Variants in MAP4K4 observed in about 807,000 individuals in gnomAD.
MAP4K4 encodes the protein mitogen-activated protein kinase kinase kinase kinase 4.
A neutral mutation model predicts 189.6 loss-of-function variants in MAP4K4; 38 were observed. That is an observed-to-expected ratio of 0.20 (90% confidence interval 0.15 to 0.26). The LOEUF (loss-of-function observed/expected upper bound fraction) is 0.26, where lower values mean the gene tolerates loss of function less well. Ranked by LOEUF, MAP4K4 falls within the 10% of genes least tolerant of loss-of-function variation. MAP4K4 has a pLI of 1.00. For synonymous variants in MAP4K4, 610 were observed against 624.3 expected, an observed-to-expected ratio of 0.98 and a Z score of 0.34; for missense variants, 1,054 against 1,726.9, an observed-to-expected ratio of 0.61 and a Z score of 6.91.
exon 33 of MAP4K4, chr2:101,893,588 A>G (rs1031732382): frequency 1.1e-5 from 2 of 183,844 alleles, no homozygotes; most frequent in Non-Finnish European, 2.3e-5. Context: ...AAAGGTGGGC[A>G]GATGTCTTTG....
intron 3 of MAP4K4, among the ~76,000 whole-genome samples, chr2:101,820,949 A>G (rs752720948): frequency 2.7e-4 from 41 of 152,206 alleles, no homozygotes; most frequent in Non-Finnish European, 5.1e-4. Flanking sequence ...ATGCTTCCTC[A>G]TGTTTTATGT....
chr2:101,837,237 C>G (rs1368108481), intron 9 of MAP4K4, among the ~76,000 whole-genome samples: 1 of 151,578 alleles, frequency 6.6e-6, no homozygotes, highest in African/African-American at 2.4e-5. Flanking sequence ...TTCAGCTGTT[C>G]CTGTTTATGC....
At chr2:101,794,908 A>C (rs1244923920) in intron 3 of MAP4K4, among the ~76,000 whole-genome samples, 2 of 152,104 alleles carry the variant, frequency 1.3e-5, no homozygotes, top group Non-Finnish European at 2.9e-5. Context: ...TGGTTTCCTC[A>C]TGTTATGCTT....
At chr2:101,782,702 T>A (rs1399396190) in intron 2 of MAP4K4, among the ~76,000 whole-genome samples, 1 of 152,102 alleles carries the variant, frequency 6.6e-6, no homozygotes, top group Non-Finnish European at 1.5e-5. Context: ...GAAGGGATGA[T>A]CTAGTACCAA....
At chr2:101,704,539 G>GTA (rs1559013120) in intron 2 of MAP4K4, among the ~76,000 whole-genome samples, 2 of 72,810 alleles carry the variant, frequency 2.7e-5, no homozygotes, top group African/African-American at 8.4e-5. Context: ...GTGTGTGTGT[G>GTA]TGTATATATA....
At position 101,874,090 on chromosome 2, in the gene MAP4K4, T is replaced by G. The variant is rs370189911; in HGVS notation, c.3079T>G (p.Ser1027Ala). The change falls in exon 26 of 33, where the codon TCC becomes GCC. Residue 1027 changes from serine to alanine, a missense_variant. This residue lies in a region of MAP4K4 where 646 missense variants were observed against 796.2 expected (regional missense o/e 0.81). Transcript: ENST00000324219. ...AATATATTGTGTTTCAGTGGGATTT[T>G]CCTGTGATGGGATGAGACCAGAAGC... The G allele has an allele frequency of 3.0e-5, 48 of 1,612,800 alleles. No homozygotes were observed. In the African/African-American group the frequency reaches 5.9e-4, roughly 20 times the overall value.
At chr2:101,860,474 TGAAATGCATTCCG>T (rs2097611556) in intron 15 of MAP4K4, 1 of 188,742 alleles carries the variant, frequency 5.3e-6, no homozygotes, top group Admixed American at 5.3e-5. Flanking sequence ...TTTGGTGGAG[TGAAATGCATTCCG>T]GATTTCTGAT....
At chr2:101,724,693 C>T (rs2054230056) in intron 2 of MAP4K4, among the ~76,000 whole-genome samples, 1 of 152,180 alleles carries the variant, frequency 6.6e-6, no homozygotes, top group African/African-American at 2.4e-5. Flanking sequence ...TCTCTTCCAC[C>T]TGTGGGTGAT....
intron 2 of MAP4K4, among the ~76,000 whole-genome samples, chr2:101,747,680 T>C (rs1396269007): frequency 1.3e-5 from 2 of 152,052 alleles, no homozygotes; most frequent in African/African-American, 2.4e-5. Flanking sequence ...CCTTCCAAGG[T>C]TTTTTTCCCT....
intron 2 of MAP4K4, among the ~76,000 whole-genome samples, chr2:101,730,805 T>G (rs1026178180): frequency 6.6e-6 from 1 of 152,068 alleles, no homozygotes; most frequent in Admixed American, 6.6e-5. Context: ...CCCAGCACTT[T>G]GGGAGGCCGA....
chr2:101,882,926 C>T (rs1559329877), intron 28 of MAP4K4, among the ~76,000 whole-genome samples: 1 of 152,228 alleles, frequency 6.6e-6, no homozygotes, highest in African/African-American at 2.4e-5. Context: ...CTGCAACTCA[C>T]TCCGCCCTCA....
chr2:101,828,965 A>T (rs1016360316), intron 5 of MAP4K4, among the ~76,000 whole-genome samples: 1 of 152,242 alleles, frequency 6.6e-6, no homozygotes, highest in Admixed American at 6.5e-5. Flanking sequence ...TTATTTGAAC[A>T]CAAGGCTCTT....
intron 2 of MAP4K4, among the ~76,000 whole-genome samples, chr2:101,756,026 C>T (rs987626864): frequency 4.7e-5 from 7 of 149,788 alleles, no homozygotes; most frequent in South Asian, 2.1e-4. Flanking sequence ...CTGCAAGCTC[C>T]GCCTCCCAGG....
intron 2 of MAP4K4, among the ~76,000 whole-genome samples, chr2:101,730,533 G>T (rs183490829): frequency 3.3e-5 from 5 of 152,276 alleles, no homozygotes; most frequent in Admixed American, 1.3e-4. Flanking sequence ...CTATTGTCCC[G>T]TGGGTCTCTA....
rs58201235 is a variant in MAP4K4, at chr2:101,797,889, G to GTTTTTTTTTTTTTTT, written c.180+7120_180+7134dup. Among the ~76,000 whole-genome samples, 153 of 52,318 alleles carry GTTTTTTTTTTTTTTT rather than the reference G, an allele frequency of 2.9e-3. 20 individuals are homozygous for GTTTTTTTTTTTTTTT. The highest frequency in any genetic ancestry group is 6.4e-3 in the South Asian group (8 of 1,248). 34.3% of individuals were successfully genotyped at this position (52,318 alleles called of 152,430 possible). On this transcript the variant is annotated intron_variant, in intron 3 of 32. Coordinates refer to ENST00000324219, the Ensembl canonical transcript of MAP4K4. ...TGAAGCTTTTTAAAACATTCTTTTA[G>GTTTTTTTTTTTTTTT]TTTTTTTTTTTTTTTTTTTTTGGAG...
intron 3 of MAP4K4, among the ~76,000 whole-genome samples, chr2:101,814,533 G>C (rs947927344): frequency 6.6e-6 from 1 of 152,178 alleles, no homozygotes; most frequent in African/African-American, 2.4e-5. Context: ...ATTTGCAAAT[G>C]ATCCACAATG....
In MAP4K4 at chr2:101,825,383, C is replaced by T; in HGVS notation, c.371C>T (p.Thr124Ile). ...CTTGTGAAGAACACCAAAGGGAACACACTCAAAGAAGACTGGATCGCTTAC... is the reference window on the plus strand; with the variant it reads ...CTTGTGAAGAACACCAAAGGGAACATACTCAAAGAAGACTGGATCGCTTAC... The change falls in exon 5 of 33, where the codon ACA becomes ATA. Residue 124 changes from threonine (T) to isoleucine (I), a missense_variant. Physicochemically the swap from Thr to Ile is moderately conservative, Grantham distance 89. Around this residue, in one of 4 missense-constraint regions of MAP4K4, gnomAD observed 200 missense variants for 509.0 expected, o/e 0.39. Coordinates refer to ENST00000324219, the Ensembl canonical transcript of MAP4K4. The T allele has an allele frequency of 6.2e-7, 1 of 1,613,724 alleles. No homozygotes were observed. Among genetic ancestry groups the T allele is most frequent in the Non-Finnish European group, 8.5e-7 (1 of 1,179,728 alleles).
At chr2:101,801,955 G>C (rs2094414936) in intron 3 of MAP4K4, among the ~76,000 whole-genome samples, 1 of 152,162 alleles carries the variant, frequency 6.6e-6, no homozygotes, top group Admixed American at 6.5e-5. Flanking sequence ...CTTGCTTTCT[G>C]TCCTGTACCA....
At chr2:101,886,382 A>AT (rs1204126735) in intron 29 of MAP4K4, among the ~76,000 whole-genome samples, 11 of 60,308 alleles carry the variant, frequency 1.8e-4, no homozygotes, top group Admixed American at 1.2e-3. Context: ...AAAATTAGAG[A>AT]CCTTATGCTA....
Sources: allele counts gnomAD v4.1 joint callset (sites outside exome capture counted in the v4.1 genomes callset), GRCh38; gene constraint gnomAD v4.1.1; regional missense constraint gnomAD v4.1.1; transcripts MANE v1.5; gene names NCBI Gene and HGNC (gene_info 2026-07-23, HGNC 2026-07-21).